Variants in FAM240B observed in about 807,000 individuals in gnomAD.
FAM240B encodes protein FAM240B.
intron 1 of FAM240B, among the ~76,000 whole-genome samples, chr9:38,718,332 C>A (rs142921348): frequency 1.7e-4 from 26 of 152,330 alleles, no homozygotes; most frequent in African/African-American, 6.0e-4. Flanking sequence ...ATGTTTACAG[C>A]ATAATTCCAT....
chr9:38,706,371 T>A (rs1587591371), intron 1 of FAM240B, among the ~76,000 whole-genome samples: 1 of 152,098 alleles, frequency 6.6e-6, no homozygotes, highest in Non-Finnish European at 1.5e-5. Flanking sequence ...AAAGAGGAAG[T>A]TTGACTTAGG....
chr9:38,710,223 C>T (rs1011901557), intron 1 of FAM240B, among the ~76,000 whole-genome samples: 1 of 152,202 alleles, frequency 6.6e-6, no homozygotes, highest in African/African-American at 2.4e-5. Context: ...CTGCCTCGGC[C>T]TCCCAAAGTG....
In FAM240B at chr9:38,694,482, A is replaced by G. The variant is rs926913080; in HGVS notation, c.*294T>C. The G allele has an allele frequency of 7.2e-6, 2 of 277,970 alleles. No homozygotes were observed. The highest frequency in any genetic ancestry group is 6.1e-5 in the East Asian group (1 of 16,378). The allele number at this position is 277,970 out of a possible 1,614,324, so 17.2% of individuals were successfully genotyped here. On this transcript the variant is annotated 3_prime_UTR_variant, in exon 3 of 3. Transcript: ENST00000637493. Reference sequence around the variant, plus strand: ...AAATGACAAGGAAATGTGGAAATATACTAGGCTACATGGGTCTGTGAGACC... The same window carrying G: ...AAATGACAAGGAAATGTGGAAATATGCTAGGCTACATGGGTCTGTGAGACC...
chr9:38,705,588 C>CAA (rs67726050), intron 1 of FAM240B: 14 of 101,104 alleles, frequency 1.4e-4, no homozygotes, highest in South Asian at 3.5e-4. Context: ...GACTCCAACT[C>CAA]AAAAAAAAAA....
intron 2 of FAM240B, among the ~76,000 whole-genome samples, chr9:38,697,291 T>C (rs1279658887): frequency 6.6e-6 from 1 of 152,200 alleles, no homozygotes; most frequent in East Asian, 1.9e-4. Context: ...CAGGCTGCTC[T>C]AAGACAGTGA....
intron 1 of FAM240B, among the ~76,000 whole-genome samples, chr9:38,713,160 G>A (rs1420778953): frequency 1.3e-5 from 2 of 152,084 alleles, no homozygotes; most frequent in African/African-American, 2.4e-5. Flanking sequence ...TGATGAGTAG[G>A]CTCATAAACA....
chr9:38,716,796 T>A (rs1459131513), intron 1 of FAM240B, among the ~76,000 whole-genome samples: 14 of 152,138 alleles, frequency 9.2e-5, no homozygotes, highest in African/African-American at 3.4e-4. Context: ...TTCTTAAGAG[T>A]GCGCTCTAGC....
At chr9:38,707,369 G>A (rs959044551) in intron 1 of FAM240B, among the ~76,000 whole-genome samples, 1 of 152,126 alleles carries the variant, frequency 6.6e-6, no homozygotes, top group Non-Finnish European at 1.5e-5. Flanking sequence ...GGATATGGAA[G>A]GAGGATTTAC....
intron 1 of FAM240B, among the ~76,000 whole-genome samples, chr9:38,704,566 A>G (rs1821166966): frequency 6.6e-6 from 1 of 152,190 alleles, no homozygotes; most frequent in African/African-American, 2.4e-5. Flanking sequence ...CTTTCTTAAA[A>G]AACTATCCTT....
intron 1 of FAM240B, among the ~76,000 whole-genome samples, chr9:38,713,439 C>T (rs1235133556): frequency 7.4e-6 from 1 of 134,852 alleles, no homozygotes; most frequent in African/African-American, 2.8e-5. Context: ...GATCACGCCA[C>T]TGCACTCCAG....
intron 1 of FAM240B, among the ~76,000 whole-genome samples, chr9:38,713,371 G>A (rs921858402): frequency 6.6e-6 from 1 of 151,478 alleles, no homozygotes; most frequent in Admixed American, 6.6e-5. Context: ...CCAGCTATTC[G>A]GGAGGCTGAG....
At chr9:38,696,769 G>A (rs553305520) in intron 2 of FAM240B, among the ~76,000 whole-genome samples, 6 of 152,186 alleles carry the variant, frequency 3.9e-5, no homozygotes, top group African/African-American at 1.2e-4. Flanking sequence ...AGCCGAGATC[G>A]CACCACTGCA....
intron 2 of FAM240B, among the ~76,000 whole-genome samples, chr9:38,702,534 C>T (rs764803900): frequency 2.0e-5 from 3 of 152,164 alleles, no homozygotes; most frequent in Non-Finnish European, 4.4e-5. Context: ...ACAGAGAACC[C>T]GGACAGGCCC....
chr9:38,709,296 A>C (rs1821225766), intron 1 of FAM240B, among the ~76,000 whole-genome samples: 1 of 152,114 alleles, frequency 6.6e-6, no homozygotes, highest in Non-Finnish European at 1.5e-5. Context: ...ACTTTTAAAA[A>C]ACTTGTTTTA....
At chr9:38,712,681 G>C (rs1042713079) in intron 1 of FAM240B, among the ~76,000 whole-genome samples, 3 of 152,178 alleles carry the variant, frequency 2.0e-5, no homozygotes, top group Non-Finnish European at 4.4e-5. Flanking sequence ...AGTGAACAAT[G>C]AATCACATTT....
intron 1 of FAM240B, among the ~76,000 whole-genome samples, chr9:38,718,919 TTTCA>T (rs1821339733): frequency 6.6e-6 from 1 of 152,216 alleles, no homozygotes; most frequent in Non-Finnish European, 1.5e-5. Context: ...ATTTTATGAA[TTTCA>T]TTCACTTTTT....
intron 1 of FAM240B, among the ~76,000 whole-genome samples, chr9:38,711,898 C>T (rs1212158935): frequency 5.3e-5 from 8 of 152,126 alleles, no homozygotes; most frequent in South Asian, 2.1e-4. Flanking sequence ...CCTCGTGATC[C>T]GCCCGTCTCG....
rs145971281 is a variant in FAM240B at position 38,712,096 on chromosome 9, C to T, written c.-4+7926G>A. On this transcript the variant is annotated intron_variant, in intron 1 of 2. Coordinates refer to ENST00000637493, the MANE Select transcript of FAM240B (RefSeq NM_001394922.1). ...AGGAGGAGGCTCAGGGGAAATACAA[C>T]ATCGTCTGGGCAATATGACTGAGTT... 2.5e-3 allele frequency among the ~76,000 whole-genome samples: 388 copies of T among 152,288 alleles called. 1 individual carries two copies. The highest frequency in any genetic ancestry group is 9.0e-3 in the African/African-American group (373 of 41,562).
chr9:38,695,916 A>G (rs1821063396), intron 2 of FAM240B, among the ~76,000 whole-genome samples: 10 of 152,234 alleles, frequency 6.6e-5, no homozygotes. Context: ...ATTTTTCACA[A>G]GGGGTTAAGG....
Sources: gnomAD v4.1 joint callset for allele counts (sites outside exome capture counted in the v4.1 genomes callset) on GRCh38, gnomAD v4.1.1 for gene constraint, MANE v1.5 for transcripts, NCBI Gene and HGNC (gene_info 2026-07-23, HGNC 2026-07-21) for gene names.